The following DRD3 variants were observed in gnomAD, a reference collection of about 807,000 sequenced individuals.
DRD3 encodes D(3) dopamine receptor.
Under a neutral mutation model 36.3 loss-of-function variants are expected in DRD3, and 19 were observed. That is an observed-to-expected ratio of 0.52 (90% CI 0.36 to 0.77). The LOEUF (loss-of-function observed/expected upper bound fraction) is 0.77, where lower values mean the gene tolerates loss of function less well. Among genes scored for constraint, DRD3 ranks in the 30% least tolerant of loss-of-function variants. DRD3 has a pLI of 0.00. For missense variants in DRD3, 465 were observed against 505.3 expected, an observed-to-expected ratio of 0.92 and a Z score of 0.77; for synonymous variants, 195 against 203.7, an observed-to-expected ratio of 0.96 and a Z score of 0.36.
At chr3:114,135,778 T>C (rs886754293) in intron 5 of DRD3, among the ~76,000 whole-genome samples, 1 of 152,180 alleles carries the variant, frequency 6.6e-6, no homozygotes, top group East Asian at 1.9e-4. Context: ...CAACCTTTGC[T>C]TCCTGGGTTA....
intron 1 of DRD3, among the ~76,000 whole-genome samples, chr3:114,189,701 C>A (rs2077993671): frequency 6.6e-6 from 1 of 152,204 alleles, no homozygotes; most frequent in African/African-American, 2.4e-5. Flanking sequence ...TCACAGTTTT[C>A]TCCACTCCTT....
At chr3:114,198,797 G>A (rs567021514) in intron 1 of DRD3, among the ~76,000 whole-genome samples, 12 of 152,128 alleles carry the variant, frequency 7.9e-5, no homozygotes, top group South Asian at 4.2e-4. Flanking sequence ...GAATATAGTG[G>A]CATGATCATA....
chr3:114,173,503 G>A (rs529862295), intron 1 of DRD3, among the ~76,000 whole-genome samples: 3 of 152,240 alleles, frequency 2.0e-5, no homozygotes, highest in Admixed American at 2.0e-4. Flanking sequence ...CACTCTGACG[G>A]GAGACTGTGC....
At chr3:114,196,049 A>C (rs995978173) in intron 1 of DRD3, among the ~76,000 whole-genome samples, 5 of 152,214 alleles carry the variant, frequency 3.3e-5, no homozygotes, top group Non-Finnish European at 7.3e-5. Flanking sequence ...ACCTTTGTGC[A>C]ACAAGAGCAC....
intron 5 of DRD3, among the ~76,000 whole-genome samples, chr3:114,137,674 CT>C (rs2077485757): frequency 6.6e-6 from 1 of 152,070 alleles, no homozygotes; most frequent in Non-Finnish European, 1.5e-5. Context: ...AGGAAAAACC[CT>C]GTCTCTACTA....
intron 1 of DRD3, among the ~76,000 whole-genome samples, chr3:114,198,589 T>C (rs1268723599): frequency 6.6e-6 from 1 of 152,052 alleles, no homozygotes; most frequent in Non-Finnish European, 1.5e-5. Context: ...ATACATAGAT[T>C]ACCATGTTAT....
intron 5 of DRD3, among the ~76,000 whole-genome samples, chr3:114,138,379 A>G (rs1033925320): frequency 2.0e-5 from 3 of 152,180 alleles, no homozygotes; most frequent in African/African-American, 4.8e-5. Flanking sequence ...TCACAGTTCC[A>G]TGTGGCTGGG....
At chr3:114,171,489 C>G (rs1485347407) in intron 2 of DRD3, among the ~76,000 whole-genome samples, 3 of 152,158 alleles carry the variant, frequency 2.0e-5, no homozygotes, top group Non-Finnish European at 4.4e-5. Context: ...CACCTGAACA[C>G]TGGAGACCCA....
intron 1 of DRD3, among the ~76,000 whole-genome samples, chr3:114,187,163 G>A (rs2077980152): frequency 6.6e-6 from 1 of 152,214 alleles, no homozygotes; most frequent in Non-Finnish European, 1.5e-5. Flanking sequence ...AACAGGTCAT[G>A]TGTTTTCTTT....
chr3:114,145,943 A>C (rs1035133057), intron 4 of DRD3, among the ~76,000 whole-genome samples: 1 of 152,236 alleles, frequency 6.6e-6, no homozygotes, highest in African/African-American at 2.4e-5. Flanking sequence ...AATTCACTCA[A>C]GTGTATGCTC....
chr3:114,179,135 T>C (rs1291701642), upstream of DRD3: 1 of 152,220 alleles, frequency 6.6e-6, no homozygotes, highest in Non-Finnish European at 1.5e-5. Flanking sequence ...TGTTTTTACC[T>C]TTATGCTTTA....
At chr3:114,177,618 G>A (rs552758943) in intron 1 of DRD3, among the ~76,000 whole-genome samples, 1 of 152,264 alleles carries the variant, frequency 6.6e-6, no homozygotes, top group South Asian at 2.1e-4. Context: ...TTGCTTTAAT[G>A]TATATTCCAT....
intron 1 of DRD3, among the ~76,000 whole-genome samples, chr3:114,185,426 T>C (rs2077970075): frequency 6.6e-6 from 1 of 152,312 alleles, no homozygotes; most frequent in Non-Finnish European, 1.5e-5. Flanking sequence ...TTATTATATT[T>C]TCAGCTTCAG....
At chr3:114,179,073 TA>T (rs2077930164), upstream of DRD3, 1 of 152,200 alleles carries the variant, frequency 6.6e-6, no homozygotes, top group Non-Finnish European at 1.5e-5. Context: ...CTGTGCTTTT[TA>T]GTACATGTAT....
Position 114,172,017 on chromosome 3 carries a change from C to T in DRD3, c.-25G>A, listed in dbSNP as rs759386053. On this transcript the variant is annotated 5_prime_UTR_variant, in exon 2 of 7. Coordinates refer to ENST00000383673, the MANE Select transcript of DRD3 (RefSeq NM_000796.6). The stretch of plus-strand genomic sequence containing the variant: ...TAGCCCAGAGGGAGGTGCGTGATGC[C>T]AAGGGGCTTCCTGTGAGGAGACAGA... 4 of 1,408,846 alleles carry T rather than the reference C, an allele frequency of 2.8e-6. No homozygotes were observed. The highest frequency in any genetic ancestry group is 2.8e-6 in the Non-Finnish European group (3 of 1,076,184). 87.3% of individuals were successfully genotyped at this position (1,408,846 alleles called of 1,614,324 possible).
chr3:114,183,292 T>C (rs528567504), upstream of DRD3, among the ~76,000 whole-genome samples: 33 of 152,350 alleles, frequency 2.2e-4, 1 homozygote, highest in South Asian at 6.6e-3. Flanking sequence ...GGGAAGACTT[T>C]GTATGACATT....
rs532001967 is a variant in DRD3 at position 114,128,602 on chromosome 3, G to C, written c.*114C>G. The C allele has an allele frequency of 1.0e-4, 108 of 1,079,118 alleles. No individual in the cohort carries two copies. In the South Asian group the frequency reaches 2.3e-3, roughly 23 times the overall value. 66.8% of individuals were successfully genotyped at this position (1,079,118 alleles called of 1,614,324 possible). A position where few individuals can be genotyped will look rare whatever the true frequency, so the allele number is the denominator to read the frequency against. ...ATACCTGACAAGCAGGGACATCCTGGCTCCAGGAATCTTCTTCCTACTGCA... is the reference window on the plus strand; with the variant it reads ...ATACCTGACAAGCAGGGACATCCTGCCTCCAGGAATCTTCTTCCTACTGCA... On this transcript the variant is annotated 3_prime_UTR_variant, in exon 7 of 7. Transcript: ENST00000383673.
intron 3 of DRD3, 47 bp downstream of exon 3, chr3:114,159,708 C>T (rs200516160): frequency 7.0e-5 from 108 of 1,545,010 alleles, no homozygotes; most frequent in Non-Finnish European, 8.7e-5. Flanking sequence ...TGTCTCTCCC[C>T]ACTTCCCCAG....
At chr3:114,166,253 G>A (rs949101876) in intron 2 of DRD3, among the ~76,000 whole-genome samples, 1 of 151,962 alleles carries the variant, frequency 6.6e-6, no homozygotes, top group Non-Finnish European at 1.5e-5. Context: ...CCCAAAGTGT[G>A]GGGATTACAG....
Sources: gnomAD v4.1 joint callset for allele counts (sites outside exome capture counted in the v4.1 genomes callset) on GRCh38, gnomAD v4.1.1 for gene constraint, MANE v1.5 for transcripts, NCBI Gene and HGNC (gene_info 2026-07-23, HGNC 2026-07-21) for gene names.